Variants in TMOD1 observed in about 807,000 individuals in gnomAD.
The protein encoded by TMOD1 is tropomodulin-1.
In TMOD1, 17 loss-of-function variants were observed where a neutral mutation model predicts 40.6. That is an observed-to-expected ratio of 0.42 (90% CI 0.29 to 0.63). The LOEUF (loss-of-function observed/expected upper bound fraction) is 0.63. Ranked by LOEUF, TMOD1 falls within the 20% of genes least tolerant of loss-of-function variation. TMOD1 has a pLI of 0.22. For synonymous variants in TMOD1, 181 were observed against 175.0 expected, an observed-to-expected ratio of 1.03 and a Z score of -0.27; for missense variants, 391 against 447.6, an observed-to-expected ratio of 0.87 and a Z score of 1.14.
chr9:97,591,239 A>G (rs571599504), intron 8 of TMOD1, 52 bp from the exon 9 acceptor site: 4 of 1,533,746 alleles, frequency 2.6e-6, no homozygotes, highest in African/African-American at 1.4e-5. Context: ...CACTGTACAC[A>G]TGGAATGAGT....
At chr9:97,554,516 C>T (rs1363125941) in intron 4 of TMOD1, among the ~76,000 whole-genome samples, 7 of 150,990 alleles carry the variant, frequency 4.6e-5, no homozygotes, top group Non-Finnish European at 8.8e-5. Flanking sequence ...AGAAAGAATA[C>T]ATGGCCCTTG....
At chr9:97,560,007 A>T (rs1830613624) in intron 4 of TMOD1, among the ~76,000 whole-genome samples, 1 of 151,022 alleles carries the variant, frequency 6.6e-6, no homozygotes, top group Non-Finnish European at 1.5e-5. Context: ...ACAGGGGAGG[A>T]GAACTGCCCA....
upstream of TMOD1, chr9:97,501,562 G>A (rs1487556281): frequency 6.7e-6 from 1 of 150,326 alleles, no homozygotes; most frequent in Non-Finnish European, 1.5e-5. Flanking sequence ...GGGGGAAGGA[G>A]GGAGCCGGCG....
Position 97,566,904 on chromosome 9 carries a change from T to C in TMOD1, c.726+949T>C, listed in dbSNP as rs1830737806. 2.0e-5 allele frequency among the ~76,000 whole-genome samples: 3 copies of C among 152,292 alleles called. No homozygotes were observed. The South Asian group carries it at 6.2e-4, about 32-fold the overall frequency. Reference sequence around the variant, plus strand: ...GTTCTGGGAATACAATTGTGACCAGTCTCAGCTTCCACTTTCATAAAGATT... The same window carrying C: ...GTTCTGGGAATACAATTGTGACCAGCCTCAGCTTCCACTTTCATAAAGATT... On this transcript the variant is annotated intron_variant, in intron 7 of 9. Transcript: ENST00000259365.
At chr9:97,566,381 A>G (rs555579389) in intron 7 of TMOD1, among the ~76,000 whole-genome samples, 3 of 152,158 alleles carry the variant, frequency 2.0e-5, no homozygotes, top group South Asian at 2.1e-4. Context: ...TCTAAAATCA[A>G]TGGTTTTGGT....
intron 9 of TMOD1, among the ~76,000 whole-genome samples, chr9:97,592,106 A>G: frequency 6.6e-6 from 1 of 152,318 alleles, no homozygotes; most frequent in East Asian, 1.9e-4. Flanking sequence ...ACAAATAGGT[A>G]TATAAGTCAA....
chr9:97,555,889 C>T (rs1055778058), intron 4 of TMOD1, among the ~76,000 whole-genome samples: 1 of 152,194 alleles, frequency 6.6e-6, no homozygotes, highest in Non-Finnish European at 1.5e-5. Flanking sequence ...CATCATCACC[C>T]AGTGTCACCT....
intron 5 of TMOD1, among the ~76,000 whole-genome samples, 180 bp from the exon 6 acceptor site, chr9:97,563,858 C>A (rs574372385): frequency 2.6e-5 from 4 of 152,326 alleles, no homozygotes; most frequent in South Asian, 4.1e-4. Flanking sequence ...AGAACCCCAG[C>A]CTCCTGGCTC....
Position 97,574,357 on chromosome 9 carries a change from A to G in TMOD1, c.870+5320A>G, listed in dbSNP as rs376428465. Among the ~76,000 whole-genome samples the G allele has an allele frequency of 2.9e-4, 44 of 152,206 alleles. No individual in the cohort carries two copies. In the South Asian group the frequency reaches 6.6e-3, roughly 23 times the overall value. ...GGCTCCGGGCAGTGAGGGGCTTAGC[A>G]CCTGGGCCAGCAGCTGCTGTGCTCG... On this transcript the variant is annotated intron_variant, in intron 8 of 9. Coordinates refer to ENST00000259365, the MANE Select transcript of TMOD1 (RefSeq NM_003275.4).
At chr9:97,563,163 C>A (rs973345405) in intron 5 of TMOD1, among the ~76,000 whole-genome samples, 6 of 152,226 alleles carry the variant, frequency 3.9e-5, no homozygotes, top group Non-Finnish European at 8.8e-5. Context: ...AAGCGATCCT[C>A]CCACCTCTGC....
intron 3 of TMOD1, among the ~76,000 whole-genome samples, chr9:97,550,549 A>T (rs997024654): frequency 6.6e-6 from 1 of 152,152 alleles, no homozygotes. Flanking sequence ...TCCATTTTTT[A>T]AAATTGTAGC....
chr9:97,531,142 G>A lies in TMOD1; in HGVS notation c.120+6834G>A, dbSNP rs550481428. Among the ~76,000 whole-genome samples the A allele has an allele frequency of 6.1e-5, 9 of 148,208 alleles. No individual in the cohort carries two copies. In the East Asian group the frequency reaches 1.2e-3, roughly 20 times the overall value. On this transcript the variant is annotated intron_variant, in intron 2 of 9. Coordinates refer to ENST00000259365, the MANE Select transcript of TMOD1 (RefSeq NM_003275.4). ...TCTTACATGCCAGGTGCTATGCTAAGCATTTTATGGGCATCATTTCATAAA... is the reference window on the plus strand; with the variant it reads ...TCTTACATGCCAGGTGCTATGCTAAACATTTTATGGGCATCATTTCATAAA...
intron 2 of TMOD1, among the ~76,000 whole-genome samples, chr9:97,529,811 C>T (rs534581915): frequency 6.6e-6 from 1 of 152,298 alleles, no homozygotes; most frequent in Admixed American, 6.5e-5. Context: ...GACAAGTCAT[C>T]GTGACTTCTG....
chr9:97,589,176 T>C (rs1825945620), intron 8 of TMOD1, among the ~76,000 whole-genome samples: 1 of 151,020 alleles, frequency 6.6e-6, no homozygotes, highest in Non-Finnish European at 1.5e-5. Flanking sequence ...TAAATTTAAT[T>C]ATTCTCTCAG....
intron 2 of TMOD1, among the ~76,000 whole-genome samples, chr9:97,545,885 G>C (rs1413006987): frequency 1.3e-5 from 2 of 152,138 alleles, no homozygotes; most frequent in Non-Finnish European, 2.9e-5. Flanking sequence ...CGGCTGCCTT[G>C]ACCCCTCACC....
Position 97,565,842 on chromosome 9 carries a change from G to A in TMOD1, c.619-6G>A, listed in dbSNP as rs1830718715. 1.9e-6 allele frequency: 3 copies of A among 1,612,050 alleles called. No individual in the cohort carries two copies. The highest frequency in any genetic ancestry group is 2.5e-6 in the Non-Finnish European group (3 of 1,178,234). On this transcript the variant is annotated splice_polypyrimidine_tract_variant and splice_region_variant and intron_variant, in intron 6 of 9. Coordinates refer to ENST00000259365, the MANE Select transcript of TMOD1 (RefSeq NM_003275.4). ...GTCACTCTCTCTGTTGCCTTTCTTT[G>A]TGCAGAATATCCCCATCCCCACCCT...
chr9:97,562,733 G>GCCTCCCC lies in TMOD1; in HGVS notation c.399_400insCCTCCCC (p.Ile134ProfsTer12). 6.5e-7 allele frequency: 1 copy of GCCTCCCC among 1,545,426 alleles called. No individual in the cohort carries two copies. The highest frequency in any genetic ancestry group is 8.7e-7 in the Non-Finnish European group (1 of 1,152,650). ...TGAGCCCTTCCCTTGTCCCTGCAGC[G>GCCTCCCC]ATCCTGGGCATGCACACGCTCATGA... On this transcript the variant is annotated frameshift_variant and splice_region_variant, in exon 5 of 10. Coordinates refer to ENST00000259365, the MANE Select transcript of TMOD1 (RefSeq NM_003275.4). LOFTEE classifies it high-confidence loss of function.
At chr9:97,568,862 A>C in intron 7 of TMOD1, 32 bp from the exon 8 acceptor site, 1 of 1,611,082 alleles carries the variant, frequency 6.2e-7, no homozygotes, top group Non-Finnish European at 8.5e-7. Context: ...GGGGTGACTC[A>C]TGGGTATCCT....
chr9:97,595,571 G>T (rs1287023867), intron 9 of TMOD1, among the ~76,000 whole-genome samples: 2 of 132,038 alleles, frequency 1.5e-5, no homozygotes. Context: ...AGGCTGAATC[G>T]TACTCCATTG....
Sources: allele counts gnomAD v4.1 joint callset (sites outside exome capture counted in the v4.1 genomes callset), GRCh38; gene constraint gnomAD v4.1.1; transcripts MANE v1.5; gene names NCBI Gene and HGNC (gene_info 2026-07-23, HGNC 2026-07-21).